The following CATSPERB variants were observed in gnomAD, a reference collection of about 807,000 sequenced individuals.
CATSPERB encodes the protein catsper channel auxiliary subunit beta, also known as cation channel sperm-associated auxiliary subunit beta.
Under a neutral mutation model 128.3 loss-of-function variants are expected in CATSPERB, and 93 were observed. That is an observed-to-expected ratio of 0.72 (90% CI 0.61 to 0.86). The LOEUF is 0.86. CATSPERB is among the 40% of genes least tolerant of loss of function. The probability of loss-of-function intolerance (pLI) is 0.00; values close to 1 mark genes in which losing one functional copy is unlikely to be tolerated. For synonymous variants in CATSPERB, 381 were observed against 448.8 expected, an observed-to-expected ratio of 0.85 and a Z score of 1.91; for missense variants, 1,153 against 1,329.5, an observed-to-expected ratio of 0.87 and a Z score of 2.06.
rs1164728880 is a variant in CATSPERB at position 91,666,935 on chromosome 14, C to T, written c.1287+2879G>A. ...TCTCTTAGAAGTCCCCTTAGCTAATCCTGACCTTAACCTATATATTGATGG... is the reference window on the plus strand; with the variant it reads ...TCTCTTAGAAGTCCCCTTAGCTAATTCTGACCTTAACCTATATATTGATGG... On this transcript the variant is annotated intron_variant, in intron 14 of 26. Transcript: ENST00000256343. 2.0e-5 allele frequency among the ~76,000 whole-genome samples: 3 copies of T among 152,312 alleles called. No individual in the cohort carries two copies. The East Asian group carries it at 5.8e-4, about 29-fold the overall frequency.
chr14:91,713,703 C>A (rs1389451068), intron 5 of CATSPERB, among the ~76,000 whole-genome samples: 1 of 152,090 alleles, frequency 6.6e-6, no homozygotes, highest in African/African-American at 2.4e-5. Flanking sequence ...AAAGAAAACT[C>A]CAAGCCCAGA....
intron 21 of CATSPERB, among the ~76,000 whole-genome samples, chr14:91,609,235 C>T (rs996048757): frequency 6.6e-6 from 1 of 151,882 alleles, no homozygotes; most frequent in Non-Finnish European, 1.5e-5. Context: ...TTTTCTCTGC[C>T]TCTTGGGAGT....
chr14:91,658,653 T>A (rs899827368), intron 15 of CATSPERB, among the ~76,000 whole-genome samples: 38 of 142,178 alleles, frequency 2.7e-4, no homozygotes, highest in Non-Finnish European at 3.0e-4. Context: ...ATCTCATGTA[T>A]CCCATAAATT....
chr14:91,682,716 C>T (rs1895304124), intron 11 of CATSPERB, among the ~76,000 whole-genome samples: 1 of 152,172 alleles, frequency 6.6e-6, no homozygotes, highest in Non-Finnish European at 1.5e-5. Context: ...AATGGGCATC[C>T]TGGTGGTTTT....
intron 14 of CATSPERB, 102 bp from the exon 15 acceptor site, chr14:91,660,083 C>A: frequency 5.7e-6 from 5 of 876,704 alleles, no homozygotes; most frequent in South Asian, 3.5e-5. Context: ...ATGATCTTTT[C>A]CATATGCCTA....
intron 3 of CATSPERB, 31 bp downstream of exon 3, chr14:91,725,049 G>A (rs576852771): frequency 8.7e-7 from 1 of 1,151,630 alleles, no homozygotes; most frequent in East Asian, 2.5e-5. Context: ...GAACGTGAAG[G>A]GTTATAACAC....
intron 23 of CATSPERB, among the ~76,000 whole-genome samples, chr14:91,590,226 C>T (rs560353922): frequency 6.6e-6 from 1 of 152,168 alleles, no homozygotes; most frequent in East Asian, 1.9e-4. Flanking sequence ...ATAAAAACAG[C>T]CCTCATAATT....
chr14:91,694,644 C>T (rs1262145196), intron 7 of CATSPERB, among the ~76,000 whole-genome samples: 1 of 151,988 alleles, frequency 6.6e-6, no homozygotes, highest in Non-Finnish European at 1.5e-5. Flanking sequence ...AAAATGTAAA[C>T]TCCAAGACAG....
chr14:91,671,586 A>G (rs570411100), intron 13 of CATSPERB, among the ~76,000 whole-genome samples: 3 of 144,852 alleles, frequency 2.1e-5, no homozygotes, highest in African/African-American at 7.7e-5. Context: ...GCGAGACCCC[A>G]TCTCAAAAAA....
chr14:91,603,538 G>C, intron 22 of CATSPERB: 1 of 770,862 alleles, frequency 1.3e-6, no homozygotes, highest in Non-Finnish European at 2.3e-6. Context: ...AGGGGTGCAG[G>C]CAGAGGACCC....
Position 91,636,570 on chromosome 14 carries a change from T to C in CATSPERB, c.1597A>G (p.Met533Val), listed in dbSNP as rs1894379814. ...GGGGCAAGCGCAGTCTCAAAGCCCA[T>C]ATCTGGAGGCTGGAAACAGAGAAAA... Reference protein sequence around the residue: ...SRNLFGQPPDMGFETALAPQH... With the variant: ...SRNLFGQPPDVGFETALAPQH... Residue 533 changes from methionine (M) to valine (V), a missense_variant, in exon 17 of 27, where the codon ATG (methionine) becomes GTG (valine). Met to Val is a conservative substitution (Grantham distance 21, BLOSUM62 1). Transcript: ENST00000256343. 6.8e-6 allele frequency: 11 copies of C among 1,610,826 alleles called. No individual in the cohort carries two copies. Among genetic ancestry groups the C allele is most frequent in the Non-Finnish European group, 9.3e-6 (11 of 1,178,836 alleles).
chr14:91,663,381 A>T (rs1250695485), intron 14 of CATSPERB, among the ~76,000 whole-genome samples: 2 of 152,238 alleles, frequency 1.3e-5, no homozygotes, highest in African/African-American at 4.8e-5. Flanking sequence ...TGATTGTGTT[A>T]TTGCATATGG....
intron 26 of CATSPERB, among the ~76,000 whole-genome samples, chr14:91,586,581 G>GAGAGAGAGAA (rs1893305659): frequency 6.9e-6 from 1 of 144,554 alleles, no homozygotes; most frequent in Admixed American, 7.2e-5. Context: ...AAGAGAGAGA[G>GAGAGAGAGAA]AGAGAGAGAG....
intron 7 of CATSPERB, among the ~76,000 whole-genome samples, chr14:91,697,443 G>C (rs941486837): frequency 6.6e-6 from 1 of 152,192 alleles, no homozygotes; most frequent in Non-Finnish European, 1.5e-5. Context: ...AGAGGCAGTG[G>C]ACAGAGTGTA....
chr14:91,682,802 T>C (rs536409658), intron 11 of CATSPERB, among the ~76,000 whole-genome samples: 2 of 152,328 alleles, frequency 1.3e-5, no homozygotes, highest in African/African-American at 4.8e-5. Flanking sequence ...GCTAAGCATA[T>C]GGCTGCTGCC....
chr14:91,589,847 C>A (rs1786257705), intron 23 of CATSPERB, among the ~76,000 whole-genome samples, 178 bp from the exon 24 acceptor site: 2 of 152,122 alleles, frequency 1.3e-5, no homozygotes, highest in Admixed American at 6.6e-5. Flanking sequence ...AATGTGAACT[C>A]CAAAGGCAGT....
At chr14:91,602,662 T>A (rs935145015) in intron 22 of CATSPERB, among the ~76,000 whole-genome samples, 21 of 151,956 alleles carry the variant, frequency 1.4e-4, no homozygotes, top group Non-Finnish European at 2.8e-4. Context: ...AAAACAAAAA[T>A]AAAAATACTT....
chr14:91,667,080 C>T (rs1402472113), intron 14 of CATSPERB, among the ~76,000 whole-genome samples: 1 of 152,216 alleles, frequency 6.6e-6, no homozygotes, highest in East Asian at 1.9e-4. Context: ...GAACTAGTGG[C>T]ACTTACCTGA....
In CATSPERB at chr14:91,580,786, C is replaced by T; in HGVS notation, c.*103G>A. 1.2e-6 allele frequency: 1 copy of T among 863,174 alleles called. No homozygotes were observed. Among genetic ancestry groups the T allele is most frequent in the South Asian group, 1.7e-5 (1 of 57,274 alleles). 53.5% of individuals were successfully genotyped at this position (863,174 alleles called of 1,614,324 possible). On this transcript the variant is annotated 3_prime_UTR_variant, in exon 27 of 27. Transcript: ENST00000256343. ...AGCAATTTGAATTATAATGACAATT[C>T]TTTAGGATTTTATGTAGCTTGCATA... is the stretch of plus-strand genomic sequence containing the variant.
Sources: allele counts gnomAD v4.1 joint callset (sites outside exome capture counted in the v4.1 genomes callset), GRCh38; gene constraint gnomAD v4.1.1; transcripts MANE v1.5; gene names NCBI Gene and HGNC (gene_info 2026-07-23, HGNC 2026-07-21).